SLC44A5: variants seen among roughly 807,000 people sequenced by gnomAD.
SLC44A5 encodes choline transporter-like protein 5.
In SLC44A5, 57 loss-of-function variants were observed where a neutral mutation model predicts 101.8. That is an observed-to-expected ratio of 0.56 (90% CI 0.45 to 0.70). SLC44A5 has a LOEUF of 0.70. Among genes scored for constraint, SLC44A5 ranks in the 30% least tolerant of loss-of-function variants. SLC44A5 has a pLI of 0.00. For missense variants in SLC44A5, 737 were observed against 853.1 expected (o/e 0.86, Z 1.70); for synonymous variants, 281 against 290.9 (o/e 0.97, Z 0.35).
the SLC44A5 span, among the ~76,000 whole-genome samples, chr1:75,623,229 A>T: frequency 6.7e-6 from 1 of 149,434 alleles, no homozygotes; most frequent in Admixed American, 6.7e-5. Flanking sequence ...AACAAAAAAC[A>T]TAGTGCTATA....
At chr1:75,312,506 C>T (rs564822600) in intron 4 of SLC44A5, among the ~76,000 whole-genome samples, 6 of 149,332 alleles carry the variant, frequency 4.0e-5, no homozygotes, top group Middle Eastern at 3.4e-3. Context: ...ATATCTGGGG[C>T]GGGGATGGGG....
the SLC44A5 span, among the ~76,000 whole-genome samples, chr1:75,705,083 T>C: frequency 6.6e-6 from 1 of 152,196 alleles, no homozygotes; most frequent in East Asian, 1.9e-4. Flanking sequence ...ATACCTACTA[T>C]GTGCCCACAA....
chr1:75,562,415 A>T (rs1672566947), intron 1 of SLC44A5, among the ~76,000 whole-genome samples: 1 of 152,160 alleles, frequency 6.6e-6, no homozygotes, highest in African/African-American at 2.4e-5. Context: ...TATAATTTTT[A>T]GGCCAGGTGC....
the SLC44A5 span, among the ~76,000 whole-genome samples, chr1:75,639,277 T>C: frequency 6.6e-6 from 1 of 152,230 alleles, no homozygotes; most frequent in Admixed American, 6.6e-5. Context: ...ATCCACAATG[T>C]ATGTATACAT....
At chr1:75,249,112 C>T (rs561992121) in intron 7 of SLC44A5, among the ~76,000 whole-genome samples, 28 of 152,042 alleles carry the variant, frequency 1.8e-4, no homozygotes, top group Non-Finnish European at 3.8e-4. Flanking sequence ...CCCTTGGGGA[C>T]GTGGGTAGAA....
At chr1:75,410,342 A>G (rs1260942628) in intron 2 of SLC44A5, among the ~76,000 whole-genome samples, 3 of 152,094 alleles carry the variant, frequency 2.0e-5, no homozygotes, top group African/African-American at 7.2e-5. Flanking sequence ...TGCCATGCCT[A>G]TTTATAAGGC....
chr1:75,697,909 C>T, the SLC44A5 span, among the ~76,000 whole-genome samples: 9 of 152,176 alleles, frequency 5.9e-5, no homozygotes, highest in African/African-American at 1.7e-4. Flanking sequence ...CCTGGAAAAT[C>T]GGGTCACTCC....
At chr1:75,615,413 TCTTAC>T (rs1570749543), upstream of SLC44A5, among the ~76,000 whole-genome samples, 2 of 69,748 alleles carry the variant, frequency 2.9e-5, no homozygotes, top group East Asian at 1.2e-3. Flanking sequence ...TCTCTCTCTC[TCTTAC>T]ACACACACAC....
At chr1:75,430,121 G>A (rs1030971568) in intron 2 of SLC44A5, among the ~76,000 whole-genome samples, 11 of 152,188 alleles carry the variant, frequency 7.2e-5, no homozygotes, top group African/African-American at 9.6e-5. Flanking sequence ...GTGCAGCAGT[G>A]TTGGGAGATG....
intron 3 of SLC44A5, among the ~76,000 whole-genome samples, chr1:75,384,190 T>A (rs1273293331): frequency 3.9e-5 from 6 of 152,148 alleles, no homozygotes; most frequent in Non-Finnish European, 8.8e-5. Context: ...TGACAGGATC[T>A]AATTCACACA....
chr1:75,384,902 C>T (rs1414631635), intron 3 of SLC44A5, among the ~76,000 whole-genome samples: 1 of 151,222 alleles, frequency 6.6e-6, no homozygotes, highest in Non-Finnish European at 1.5e-5. Context: ...GATTAAGAAT[C>T]TCACTCAAAA....
chr1:75,396,380 A>AT (rs1662122074), intron 3 of SLC44A5, among the ~76,000 whole-genome samples: 1 of 152,176 alleles, frequency 6.6e-6, no homozygotes, highest in African/African-American at 2.4e-5. Context: ...TGGGAAATTC[A>AT]TTTACAACTC....
At chr1:75,647,567 A>G in the SLC44A5 span, among the ~76,000 whole-genome samples, 35 of 152,302 alleles carry the variant, frequency 2.3e-4, no homozygotes, top group African/African-American at 8.2e-4. Context: ...ATACCAGCCC[A>G]TGAAAACAGC....
chr1:75,377,050 T>C (rs968269956), intron 3 of SLC44A5, among the ~76,000 whole-genome samples: 3 of 152,214 alleles, frequency 2.0e-5, no homozygotes, highest in Admixed American at 1.3e-4. Context: ...CAGGAGTCGA[T>C]GCTATCAACT....
chr1:75,721,044 G>C, the SLC44A5 span, among the ~76,000 whole-genome samples: 1 of 152,126 alleles, frequency 6.6e-6, no homozygotes, highest in Non-Finnish European at 1.5e-5. Context: ...GAACAGAAAA[G>C]CATTCTGTTA....
chr1:75,427,172 C>T (rs1401618669), intron 2 of SLC44A5, among the ~76,000 whole-genome samples: 1 of 152,218 alleles, frequency 6.6e-6, no homozygotes, highest in Non-Finnish European at 1.5e-5. Flanking sequence ...GACCCCTCTA[C>T]ACCACAGCGA....
chr1:75,722,290 C>T, the SLC44A5 span, among the ~76,000 whole-genome samples: 1 of 152,098 alleles, frequency 6.6e-6, no homozygotes, highest in Non-Finnish European at 1.5e-5. Flanking sequence ...ATGGACTTTC[C>T]TTTCCGTCTA....
chr1:75,271,359 G>C (rs1651453144), intron 6 of SLC44A5, among the ~76,000 whole-genome samples: 1 of 151,750 alleles, frequency 6.6e-6, no homozygotes, highest in South Asian at 2.1e-4. Context: ...GAATTCTTAG[G>C]TGGTGAATTC....
chr1:75,320,796 T>C lies in SLC44A5; in HGVS notation c.101+18786A>G, dbSNP rs567306128. 2.6e-5 allele frequency among the ~76,000 whole-genome samples: 4 copies of C among 152,302 alleles called. No individual in the cohort carries two copies. The South Asian group carries it at 8.3e-4, about 32-fold the overall frequency. On this transcript the variant is annotated intron_variant, in intron 4 of 23. Transcript: ENST00000370859. ...AACTTTGTACCTGAGGTTCCCTTCCTGTCCAATTACCAAGCAAGCTTTTCA... is the reference window on the plus strand; with the variant it reads ...AACTTTGTACCTGAGGTTCCCTTCCCGTCCAATTACCAAGCAAGCTTTTCA...
Sources: gnomAD v4.1 joint callset for allele counts (sites outside exome capture counted in the v4.1 genomes callset) on GRCh38, gnomAD v4.1.1 for gene constraint, MANE v1.5 for transcripts, NCBI Gene and HGNC (gene_info 2026-07-23, HGNC 2026-07-21) for gene names.